Variants in PADI4 observed in about 807,000 individuals in gnomAD.
The protein encoded by PADI4 is protein-arginine deiminase type-4.
Under a neutral mutation model 75.0 loss-of-function variants are expected in PADI4, and 62 were observed. The ratio of observed to expected loss-of-function variants is 0.83; its 90% CI spans 0.67 to 1.02. PADI4 has a LOEUF of 1.02. Among genes scored for constraint, PADI4 ranks in the 50% least tolerant of loss-of-function variants. The pLI, the probability that PADI4 is intolerant of heterozygous loss-of-function variation, is 0.00. For synonymous variants in PADI4, 361 were observed against 348.1 expected, an observed-to-expected ratio of 1.04 and a Z score of -0.41; for missense variants, 845 against 850.5, an observed-to-expected ratio of 0.99 and a Z score of 0.08.
At chr1:17,329,254 A>T (rs1382867296) in intron 1 of PADI4, among the ~76,000 whole-genome samples, 1 of 150,868 alleles carries the variant, frequency 6.6e-6, no homozygotes, top group Non-Finnish European at 1.5e-5. Context: ...TGAACCCAGG[A>T]GGCAGAGCTT....
intron 10 of PADI4, among the ~76,000 whole-genome samples, chr1:17,351,201 GAAA>G (rs61284318): frequency 1.5e-3 from 114 of 76,816 alleles, no homozygotes; most frequent in African/African-American, 4.6e-3. Flanking sequence ...TGTCCCAGAG[GAAA>G]AAAAAAAAAA....
rs1365788032 is a variant in PADI4 at position 17,350,753 on chromosome 1, C to T, written c.1155+2705C>T. Among the ~76,000 whole-genome samples the T allele has an allele frequency of 1.5e-5, 2 of 130,638 alleles. 1 individual carries two copies. The highest frequency in any genetic ancestry group is 3.5e-5 in the Non-Finnish European group (2 of 57,546). 85.7% of individuals were successfully genotyped at this position (130,638 alleles called of 152,430 possible). On this transcript the variant is annotated intron_variant, in intron 10 of 15. Transcript: ENST00000375448. ...TGTTTGAACACATACTCAGCGGGGC[C>T]TTGTTCTAGGCACTTGAGATATGAC...
chr1:17,343,738 C>A (rs114006045), intron 8 of PADI4, among the ~76,000 whole-genome samples: 1 of 152,176 alleles, frequency 6.6e-6, no homozygotes, highest in Non-Finnish European at 1.5e-5. Context: ...ACTTTTGCAT[C>A]TTGCTCATTT....
chr1:17,326,741 C>A (rs1396934184), intron 1 of PADI4, among the ~76,000 whole-genome samples: 1 of 152,046 alleles, frequency 6.6e-6, no homozygotes, highest in African/African-American at 2.4e-5. Flanking sequence ...TCGACTAAAT[C>A]AACTTTGTTA....
At position 17,331,108 on chromosome 1, in the gene PADI4, C is replaced by G; in HGVS notation, c.232C>G (p.Leu78Val). 1.4e-5 allele frequency: 22 copies of G among 1,612,322 alleles called. No homozygotes were observed. The highest frequency in any genetic ancestry group is 1.8e-5 in the Non-Finnish European group (21 of 1,179,256). Residue 78 changes from leucine (L) to valine (V), a missense_variant, in exon 2 of 16, where the codon CTG becomes GTG. Coordinates refer to ENST00000375448, the MANE Select transcript of PADI4 (RefSeq NM_012387.3). The part of the protein sequence containing the change: ...WPLDPGVEVT[L>V]TMKVASGSTG... ...CCTGGACCCTGGGGTAGAGGTGACC[C>G]TGACGATGAAAGTGGCCAGTGGTAG...
intron 2 of PADI4, among the ~76,000 whole-genome samples, chr1:17,333,096 C>T (rs568446889): frequency 8.5e-5 from 13 of 152,232 alleles, no homozygotes; most frequent in African/African-American, 2.4e-4. Flanking sequence ...TTTCAGCCAG[C>T]GAATAACAAG....
intron 10 of PADI4, among the ~76,000 whole-genome samples, chr1:17,351,945 T>C (rs1385373283): frequency 2.8e-5 from 4 of 140,642 alleles, no homozygotes; most frequent in African/African-American, 1.1e-4. Context: ...AGGGAGGTGA[T>C]GGGAGGTGGG....
In PADI4 at chr1:17,339,286, A is replaced by G. The variant is rs12039455; in HGVS notation, c.527-402A>G. On this transcript the variant is annotated intron_variant, in intron 5 of 15. Transcript: ENST00000375448. The stretch of plus-strand genomic sequence containing the variant: ...TCACAAACCCCACTTCTTGCTCAGG[A>G]CCAGCACAGAAACCTTTCACTCGTT... 9.9e-4 allele frequency among the ~76,000 whole-genome samples: 151 copies of G among 152,252 alleles called. No individual in the cohort carries two copies. In the East Asian group the frequency reaches 0.025, roughly 25 times the overall value.
rs774627023 is a variant in PADI4, at chr1:17,334,021, C to A, written c.340+12C>A. ...CCTCACCGGGGTGGGTAAGTGACAA[C>A]CAGGATCCTAGAGTGCCGTCTCATC... On this transcript the variant is annotated intron_variant, in intron 3 of 15. Coordinates refer to ENST00000375448, the MANE Select transcript of PADI4 (RefSeq NM_012387.3). 1 of 1,581,640 alleles carries A rather than the reference C, an allele frequency of 6.3e-7. No individual in the cohort carries two copies. Among genetic ancestry groups the A allele is most frequent in the South Asian group, 1.1e-5 (1 of 90,462 alleles).
chr1:17,336,108 C>A (rs1308708597), intron 3 of PADI4, 51 bp from the exon 4 acceptor site: 3 of 1,345,564 alleles, frequency 2.2e-6, no homozygotes, highest in Admixed American at 1.7e-5. Context: ...AGGCTGGGTG[C>A]CCCAACCCCG....
intron 1 of PADI4, among the ~76,000 whole-genome samples, chr1:17,313,808 G>C (rs867477272): frequency 6.6e-5 from 10 of 152,172 alleles, no homozygotes; most frequent in Non-Finnish European, 1.5e-4. Context: ...TGTATGGAGG[G>C]TGTTGGAAGT....
At chr1:17,309,979 T>A (rs1039321966) in intron 1 of PADI4, among the ~76,000 whole-genome samples, 1 of 152,022 alleles carries the variant, frequency 6.6e-6, no homozygotes, top group Non-Finnish European at 1.5e-5. Flanking sequence ...GAGAGGTGGG[T>A]GGACAGCTGG....
At chr1:17,310,358 A>G (rs1001855028) in intron 1 of PADI4, among the ~76,000 whole-genome samples, 4 of 151,978 alleles carry the variant, frequency 2.6e-5, no homozygotes, top group African/African-American at 4.8e-5. Flanking sequence ...TCCGTTCCAG[A>G]CCTTCCTGTC....
intron 3 of PADI4, among the ~76,000 whole-genome samples, chr1:17,335,262 TACTC>T (rs1450891709): frequency 6.6e-6 from 1 of 152,238 alleles, no homozygotes; most frequent in East Asian, 1.9e-4. Flanking sequence ...CTACAGCACT[TACTC>T]AATTGCCAGG....
chr1:17,356,182 C>T lies in PADI4; in HGVS notation c.1455+55C>T, dbSNP rs930762828. On this transcript the variant is annotated intron_variant, in intron 12 of 15. Coordinates refer to ENST00000375448, the MANE Select transcript of PADI4 (RefSeq NM_012387.3). The surrounding 1 kb of genome is among the most constrained non-coding windows in gnomAD (Gnocchi z 4.1). ...CATGCCTCCTTCCTGGGTAGACCCT[C>T]TGCCTGGGGTGGGAGCAACTTTACT... 3 of 1,578,218 alleles carry T rather than the reference C, an allele frequency of 1.9e-6. No individual in the cohort carries two copies. The highest frequency in any genetic ancestry group is 3.5e-5 in the Admixed American group (2 of 57,796).
chr1:17,352,102 G>GGGAAGAGAGGCA lies in PADI4; in HGVS notation c.1156-2430_1156-2429insGAAGAGAGGCAG, dbSNP rs1557577093. ...GGCAGTCAGGGAGGTGATGGGAGGT[G>GGGAAGAGAGGCA]GTAGGAGAGACTGTGGTCAGAGAGG... On this transcript the variant is annotated intron_variant, in intron 10 of 15. Coordinates refer to ENST00000375448, the MANE Select transcript of PADI4 (RefSeq NM_012387.3). Among the ~76,000 whole-genome samples the GGGAAGAGAGGCA allele has an allele frequency of 2.1e-3, 286 of 135,310 alleles. 38 individuals are homozygous for GGGAAGAGAGGCA. Among genetic ancestry groups the GGGAAGAGAGGCA allele is most frequent in the African/African-American group, 6.9e-3 (246 of 35,834 alleles). The allele number at this position is 135,310 out of a possible 152,430, so 88.8% of individuals were successfully genotyped here.
intron 6 of PADI4, 91 bp from the exon 7 acceptor site, chr1:17,341,852 C>A: frequency 1.0e-6 from 1 of 972,496 alleles, no homozygotes; most frequent in Non-Finnish European, 1.5e-6. Context: ...TGTGGTGACC[C>A]TGGGAAAGGC....
chr1:17,342,168 A>G (rs1018899136), intron 7 of PADI4, 47 bp downstream of exon 7: 1 of 1,570,374 alleles, frequency 6.4e-7, no homozygotes, highest in Non-Finnish European at 8.8e-7. Flanking sequence ...GCTTCCAGGC[A>G]GTGGCCTGGC....
At chr1:17,319,694 C>T (rs1397449059) in intron 1 of PADI4, among the ~76,000 whole-genome samples, 2 of 152,192 alleles carry the variant, frequency 1.3e-5, no homozygotes, top group Non-Finnish European at 2.9e-5. Flanking sequence ...TCAGGAGCTG[C>T]CACATGGTTG....
Sources: allele counts gnomAD v4.1 joint callset (sites outside exome capture counted in the v4.1 genomes callset), GRCh38; gene constraint gnomAD v4.1.1; non-coding constraint Gnocchi (gnomAD v3.1); transcripts MANE v1.5; gene names NCBI Gene and HGNC (gene_info 2026-07-23, HGNC 2026-07-21).